Variants in RANBP2 observed in about 807,000 individuals in gnomAD.
The protein encoded by RANBP2 is RAN binding protein 2.
RANBP2 carries 57 observed loss-of-function variants against 303.6 expected under a neutral mutation model. The observed-to-expected ratio is 0.19, with a 90% CI of 0.15 to 0.23. The LOEUF is 0.23. Ranked by LOEUF, RANBP2 falls within the 10% of genes least tolerant of loss-of-function variation. The probability of loss-of-function intolerance (pLI) is 1.00; values close to 1 mark genes in which losing one functional copy is unlikely to be tolerated. For missense variants in RANBP2, 3,138 were observed against 3,780.8 expected (o/e 0.83, Z 4.46); for synonymous variants, 1,167 against 1,301.5 (o/e 0.90, Z 2.23).
chr2:109,651,484 G>A, the RANBP2 span, among the ~76,000 whole-genome samples: 8 of 152,256 alleles, frequency 5.3e-5, no homozygotes, highest in Non-Finnish European at 1.0e-4. Flanking sequence ...TTTACAATTA[G>A]GTCTACATAA....
At chr2:109,262,463 T>A in the RANBP2 span, among the ~76,000 whole-genome samples, 11 of 152,192 alleles carry the variant, frequency 7.2e-5, no homozygotes, top group Admixed American at 7.2e-4. Flanking sequence ...CAAGAGCCCA[T>A]AGGACAGTGT....
chr2:109,709,835 C>T, the RANBP2 span, among the ~76,000 whole-genome samples: 1 of 152,178 alleles, frequency 6.6e-6, no homozygotes, highest in Non-Finnish European at 1.5e-5. Context: ...CGCTTGTAAT[C>T]CCAGCACTTT....
chr2:108,797,488 T>C, the RANBP2 span, among the ~76,000 whole-genome samples: 5 of 152,112 alleles, frequency 3.3e-5, no homozygotes, highest in Admixed American at 3.3e-4. Flanking sequence ...GGAGTGATTC[T>C]GAAATGAGAG....
At chr2:109,390,741 A>G in the RANBP2 span, among the ~76,000 whole-genome samples, 2 of 152,162 alleles carry the variant, frequency 1.3e-5, no homozygotes, top group Non-Finnish European at 2.9e-5. Context: ...TCTTTGGCAG[A>G]TCTTGGTTTT....
At chr2:109,564,198 A>G in the RANBP2 span, 1 of 532,580 alleles carries the variant, frequency 1.9e-6, no homozygotes, top group Non-Finnish European at 2.9e-6. Context: ...CAAAAGCAAG[A>G]AGGAGTCAAG....
the RANBP2 span, chr2:109,544,924 T>C: frequency 3.1e-6 from 3 of 977,188 alleles, no homozygotes; most frequent in Non-Finnish European, 3.6e-6. Context: ...CTTCCTCTTT[T>C]CCAAAAAAAC....
the RANBP2 span, among the ~76,000 whole-genome samples, chr2:109,644,415 G>A: frequency 2.0e-5 from 3 of 152,304 alleles, no homozygotes; most frequent in East Asian, 1.9e-4. Flanking sequence ...GGCAGCTGGC[G>A]AGGTGAATGC....
chr2:109,148,685 A>G, the RANBP2 span, among the ~76,000 whole-genome samples: 4 of 152,262 alleles, frequency 2.6e-5, no homozygotes, highest in Admixed American at 6.5e-5. Context: ...AATGCTGAAA[A>G]GTGCATTCAT....
the RANBP2 span, among the ~76,000 whole-genome samples, chr2:109,669,752 C>T: frequency 6.6e-6 from 1 of 152,288 alleles, no homozygotes; most frequent in Admixed American, 6.5e-5. Flanking sequence ...GGCCAGCAGC[C>T]TAGGCCTGGA....
chr2:109,392,515 C>CT, the RANBP2 span, among the ~76,000 whole-genome samples: 224 of 146,554 alleles, frequency 1.5e-3, no homozygotes, highest in African/African-American at 3.2e-3. Flanking sequence ...CTTGCTTCTT[C>CT]TTTTTTTTTT....
At chr2:108,996,437 CAAAGT>C in the RANBP2 span, among the ~76,000 whole-genome samples, 2 of 152,184 alleles carry the variant, frequency 1.3e-5, no homozygotes, top group African/African-American at 4.8e-5. Flanking sequence ...GGGAGCAGCT[CAAAGT>C]AAATAAGAAA....
chr2:109,180,510 T>C, the RANBP2 span, among the ~76,000 whole-genome samples: 1 of 152,194 alleles, frequency 6.6e-6, no homozygotes, highest in Non-Finnish European at 1.5e-5. Context: ...TCTTGAATTG[T>C]ACTCTCATAA....
chr2:108,917,107 T>C, the RANBP2 span, among the ~76,000 whole-genome samples: 1 of 152,170 alleles, frequency 6.6e-6, no homozygotes, highest in Non-Finnish European at 1.5e-5. Context: ...GGCAAGGGTG[T>C]GCCAGAATTT....
the RANBP2 span, among the ~76,000 whole-genome samples, chr2:109,071,960 T>TA: frequency 6.6e-6 from 1 of 152,156 alleles, no homozygotes; most frequent in Non-Finnish European, 1.5e-5. Context: ...GACAACAGAA[T>TA]ATATCACAAA....
the RANBP2 span, among the ~76,000 whole-genome samples, chr2:108,853,970 A>T: frequency 1.6e-4 from 17 of 106,704 alleles, 1 homozygote; most frequent in African/African-American, 6.4e-4. Context: ...ATAATAAAAT[A>T]TATATAATAT....
chr2:108,861,472 C>T, the RANBP2 span, among the ~76,000 whole-genome samples: 5 of 123,550 alleles, frequency 4.0e-5, no homozygotes, highest in African/African-American at 1.9e-4. Context: ...AACTTTCTTC[C>T]TTTTTTTTTT....
the RANBP2 span, among the ~76,000 whole-genome samples, chr2:109,027,501 A>C: frequency 6.6e-6 from 1 of 152,130 alleles, no homozygotes; most frequent in South Asian, 2.1e-4. Context: ...GCCTGACATG[A>C]AGGCACAGGC....
chr2:108,929,340 C>T, the RANBP2 span: 50 of 1,614,140 alleles, frequency 3.1e-5, no homozygotes, highest in Middle Eastern at 1.6e-4. Flanking sequence ...GGGCAGGGGA[C>T]GCAGCCGTAG....
chr2:108,915,367 C>T, the RANBP2 span, among the ~76,000 whole-genome samples: 1 of 152,180 alleles, frequency 6.6e-6, no homozygotes, highest in African/African-American at 2.4e-5. Context: ...TCTCTGTCCT[C>T]ACACCTTGTA....
Sources: gnomAD v4.1 joint callset for allele counts (sites outside exome capture counted in the v4.1 genomes callset) on GRCh38, gnomAD v4.1.1 for gene constraint, MANE v1.5 for transcripts, NCBI Gene and HGNC (gene_info 2026-07-23, HGNC 2026-07-21) for gene names.